The following NELL1 variants were observed in gnomAD, a reference collection of about 807,000 sequenced individuals.
NELL1 encodes the protein neural EGFL like 1.
NELL1 carries 76 observed loss-of-function variants against 107.4 expected under a neutral mutation model. The observed-to-expected ratio is 0.71, with a 90% CI of 0.59 to 0.86. The LOEUF (loss-of-function observed/expected upper bound fraction) is 0.86. NELL1 is among the 40% of genes least tolerant of loss of function. The pLI is 0.00. For synonymous variants in NELL1, 353 were observed against 341.2 expected (o/e 1.03, Z -0.38); for missense variants, 1,024 against 1,005.5 (o/e 1.02, Z -0.25).
At chr11:21,391,487 A>T (rs1851877798) in intron 15 of NELL1, among the ~76,000 whole-genome samples, 1 of 151,432 alleles carries the variant, frequency 6.6e-6, no homozygotes, top group African/African-American at 2.4e-5. Context: ...AACCTTTCAG[A>T]TTTCTTTTCT....
At chr11:20,910,366 C>A (rs1367999729) in intron 5 of NELL1, among the ~76,000 whole-genome samples, 1 of 152,196 alleles carries the variant, frequency 6.6e-6, no homozygotes, top group Non-Finnish European at 1.5e-5. Flanking sequence ...CAGACTCCCC[C>A]TCTTGAAGTG....
intron 12 of NELL1, among the ~76,000 whole-genome samples, chr11:21,072,724 G>T (rs1488834986): frequency 6.6e-6 from 1 of 152,146 alleles, no homozygotes; most frequent in Non-Finnish European, 1.5e-5. Context: ...AAGAAGTGAA[G>T]AACGTATGCT....
At chr11:21,083,782 G>A (rs1160168884) in intron 12 of NELL1, among the ~76,000 whole-genome samples, 1 of 152,104 alleles carries the variant, frequency 6.6e-6, no homozygotes, top group Non-Finnish European at 1.5e-5. Flanking sequence ...TCTTATTACT[G>A]TCCCTCACTG....
chr11:21,544,801 G>A (rs991064227), intron 16 of NELL1, among the ~76,000 whole-genome samples: 12 of 151,660 alleles, frequency 7.9e-5, no homozygotes, highest in Non-Finnish European at 1.5e-4. Flanking sequence ...GAAAACTTGA[G>A]AATGAATATA....
intron 3 of NELL1, among the ~76,000 whole-genome samples, chr11:20,790,348 C>T (rs1401248240): frequency 1.3e-5 from 2 of 152,198 alleles, no homozygotes; most frequent in East Asian, 1.9e-4. Flanking sequence ...GGTGTGTCAG[C>T]ACTGCCCTGA....
chr11:21,337,694 C>T (rs1850438461), intron 14 of NELL1, among the ~76,000 whole-genome samples: 1 of 152,056 alleles, frequency 6.6e-6, no homozygotes, highest in Non-Finnish European at 1.5e-5. Context: ...CTGCTGGCAC[C>T]CTGCTTTTCC....
At chr11:21,385,570 T>G (rs1851725814) in intron 15 of NELL1, among the ~76,000 whole-genome samples, 1 of 151,880 alleles carries the variant, frequency 6.6e-6, no homozygotes, top group South Asian at 2.1e-4. Flanking sequence ...TCATATTTGT[T>G]TTACGCCTGA....
chr11:21,458,554 A>T (rs980990594), intron 15 of NELL1, among the ~76,000 whole-genome samples: 1 of 152,216 alleles, frequency 6.6e-6, no homozygotes, highest in African/African-American at 2.4e-5. Flanking sequence ...TCAAAGAAAG[A>T]CTTTCAAATT....
intron 3 of NELL1, among the ~76,000 whole-genome samples, chr11:20,826,291 G>A (rs749956230): frequency 1.3e-5 from 2 of 151,156 alleles, no homozygotes; most frequent in Admixed American, 6.6e-5. Flanking sequence ...CCCTCTGCCT[G>A]TAGTCCTTGA....
intron 15 of NELL1, among the ~76,000 whole-genome samples, chr11:21,464,576 T>A (rs1025981814): frequency 6.6e-6 from 1 of 152,008 alleles, no homozygotes; most frequent in East Asian, 1.9e-4. Flanking sequence ...GAAAAAATAG[T>A]TTTTTTGTAT....
At chr11:20,828,518 G>A (rs935369389) in intron 3 of NELL1, among the ~76,000 whole-genome samples, 1 of 152,030 alleles carries the variant, frequency 6.6e-6, no homozygotes, top group Admixed American at 6.6e-5. Context: ...TTTAACCTAG[G>A]GAGCTTGTTC....
At chr11:21,087,347 G>A (rs1854419233) in intron 12 of NELL1, among the ~76,000 whole-genome samples, 1 of 151,462 alleles carries the variant, frequency 6.6e-6, no homozygotes, top group African/African-American at 2.4e-5. Context: ...AGTCGCCTTA[G>A]GTTTTGACTA....
chr11:21,217,126 C>G (rs1297912437), intron 13 of NELL1, among the ~76,000 whole-genome samples: 1 of 152,132 alleles, frequency 6.6e-6, no homozygotes, highest in Non-Finnish European at 1.5e-5. Flanking sequence ...ATTCCCCCCT[C>G]CTTCACCCTG....
chr11:21,454,868 C>T (rs2133863520), intron 15 of NELL1, among the ~76,000 whole-genome samples: 1 of 152,318 alleles, frequency 6.6e-6, no homozygotes, highest in South Asian at 2.1e-4. Flanking sequence ...AGTTACTTCC[C>T]AACAACCCCA....
At chr11:20,976,149 A>T (rs929430902) in intron 12 of NELL1, among the ~76,000 whole-genome samples, 35 of 106,988 alleles carry the variant, frequency 3.3e-4, no homozygotes, top group South Asian at 8.9e-4. Context: ...ACACACATGT[A>T]TATATATACA....
At chr11:20,698,971 C>G (rs1268503584) in intron 2 of NELL1, among the ~76,000 whole-genome samples, 1 of 152,062 alleles carries the variant, frequency 6.6e-6, no homozygotes, top group Non-Finnish European at 1.5e-5. Flanking sequence ...AATCCCAGTA[C>G]TTTGGGAGGC....
chr11:21,209,768 A>T (rs540767737), intron 13 of NELL1, among the ~76,000 whole-genome samples: 1 of 152,270 alleles, frequency 6.6e-6, no homozygotes, highest in Admixed American at 6.5e-5. Flanking sequence ...CGATAGGAAT[A>T]TCCACAACTA....
intron 13 of NELL1, among the ~76,000 whole-genome samples, chr11:21,210,256 G>A (rs963674574): frequency 2.0e-5 from 3 of 152,110 alleles, no homozygotes; most frequent in Admixed American, 2.0e-4. Context: ...ATACCTACAA[G>A]TGGAATTGCT....
chr11:21,367,270 A>G (rs1851247739), intron 14 of NELL1, among the ~76,000 whole-genome samples: 1 of 49,550 alleles, frequency 2.0e-5, no homozygotes, highest in Non-Finnish European at 6.2e-5. Flanking sequence ...CTACACACAC[A>G]CACACACACA....
Sources: allele counts gnomAD v4.1 joint callset (sites outside exome capture counted in the v4.1 genomes callset), GRCh38; gene constraint gnomAD v4.1.1; transcripts MANE v1.5; gene names NCBI Gene and HGNC (gene_info 2026-07-23, HGNC 2026-07-21).